The following RAB3IP variants were observed in gnomAD, a reference collection of about 807,000 sequenced individuals.
RAB3IP encodes the protein rab-3A-interacting protein.
RAB3IP carries 36 observed loss-of-function variants against 59.1 expected under a neutral mutation model. The ratio of observed to expected loss-of-function variants is 0.61; its 90% CI spans 0.47 to 0.80. RAB3IP has a LOEUF of 0.80. Among genes scored for constraint, RAB3IP ranks in the 30% least tolerant of loss-of-function variants. RAB3IP has a pLI of 0.00. For missense variants in RAB3IP, 511 were observed against 536.0 expected, an observed-to-expected ratio of 0.95 and a Z score of 0.46; for synonymous variants, 207 against 191.2, an observed-to-expected ratio of 1.08 and a Z score of -0.68.
intron 3 of RAB3IP, among the ~76,000 whole-genome samples, chr12:69,773,399 C>CTT (rs71437123): frequency 0.15 from 7,358 of 47,714 alleles, 880 homozygotes; most frequent in Non-Finnish European, 0.19. Flanking sequence ...ATTTGTCTTT[C>CTT]TTTTTTTTTT....
intron 4 of RAB3IP, among the ~76,000 whole-genome samples, chr12:69,788,690 G>C (rs1400371238): frequency 6.6e-6 from 1 of 152,016 alleles, no homozygotes; most frequent in Non-Finnish European, 1.5e-5. Flanking sequence ...ACTGCATAAC[G>C]CTATAGACCA....
intron 4 of RAB3IP, among the ~76,000 whole-genome samples, chr12:69,787,411 T>A (rs895748818): frequency 6.6e-6 from 1 of 152,156 alleles, no homozygotes; most frequent in African/African-American, 2.4e-5. Flanking sequence ...GTTTATGATA[T>A]GTCTAGTTTT....
At chr12:69,803,871 G>C (rs554167351) in intron 8 of RAB3IP, among the ~76,000 whole-genome samples, 1 of 152,236 alleles carries the variant, frequency 6.6e-6, no homozygotes, top group Admixed American at 6.5e-5. Context: ...GTGTATATGT[G>C]CCACATTTTC....
chr12:69,789,420 T>A (rs1876251575), intron 4 of RAB3IP, among the ~76,000 whole-genome samples: 2 of 152,114 alleles, frequency 1.3e-5, no homozygotes, highest in South Asian at 4.2e-4. Context: ...ACTGACTCAG[T>A]TTTCTGGAAT....
In RAB3IP at chr12:69,756,394, C is replaced by T. The variant is rs769493907; in HGVS notation, c.252-11C>T. ...CTGATATTTTCTGAAAAATGTCTCT[C>T]TCCTTTACAGCTTTCATGTTACAGA... On this transcript the variant is annotated splice_polypyrimidine_tract_variant and intron_variant, in intron 2 of 10. Coordinates refer to ENST00000247833, the MANE Select transcript of RAB3IP (RefSeq NM_022456.5). 6.8e-6 allele frequency: 11 copies of T among 1,611,554 alleles called. No individual in the cohort carries two copies. The highest frequency in any genetic ancestry group is 8.5e-6 in the Non-Finnish European group (10 of 1,179,154).
chr12:69,809,508 T>A (rs1880048516), intron 8 of RAB3IP, among the ~76,000 whole-genome samples: 2 of 152,230 alleles, frequency 1.3e-5, no homozygotes, highest in South Asian at 4.1e-4. Flanking sequence ...CCAACTTGGT[T>A]CCATTCTCCC....
At chr12:69,800,169 G>A (rs368531118) in intron 6 of RAB3IP, 40 bp from the exon 7 acceptor site, 197 of 1,449,812 alleles carry the variant, frequency 1.4e-4, no homozygotes, top group African/African-American at 2.8e-4. Context: ...ATGTTTATAC[G>A]TTTTAAAACA....
chr12:69,795,247 A>T lies in RAB3IP; in HGVS notation c.791A>T (p.Lys264Ile), dbSNP rs758669530. ...TTGCCAGGTGGAAAGACACCTTTTA[A>T]AAAGGGGCATACAAGAAATAAAAGC... Reference protein sequence around the residue: ...EPLPGGKTPFKKGHTRNKSTS... With the variant: ...EPLPGGKTPFIKGHTRNKSTS... The change falls in exon 6 of 11, where the codon AAA (lysine) becomes ATA (isoleucine). Residue 264 changes from lysine to isoleucine, a missense_variant. Physicochemically the swap from Lys to Ile is moderately radical, Grantham distance 102. Transcript: ENST00000247833. 53 of 1,614,072 alleles carry T rather than the reference A, an allele frequency of 3.3e-5. No individual in the cohort carries two copies. In the East Asian group the frequency reaches 7.1e-4, roughly 22 times the overall value.
At chr12:69,739,233 CGGGCCCTTG>C (rs1887005982) in intron 1 of RAB3IP, 1 of 152,106 alleles carries the variant, frequency 6.6e-6, no homozygotes, top group Non-Finnish European at 1.5e-5. Context: ...ACTTGGGCTC[CGGGCCCTTG>C]GGGGCGGCGT....
At chr12:69,769,202 T>C (rs1872716774) in intron 3 of RAB3IP, among the ~76,000 whole-genome samples, 1 of 152,206 alleles carries the variant, frequency 6.6e-6, no homozygotes, top group African/African-American at 2.4e-5. Context: ...TTGCCCAGTC[T>C]TGGGTATGTC....
chr12:69,741,220 A>C (rs1887305889), intron 1 of RAB3IP, among the ~76,000 whole-genome samples: 1 of 152,198 alleles, frequency 6.6e-6, no homozygotes, highest in South Asian at 2.1e-4. Context: ...TTGACTCCTC[A>C]GTCCTCTGGA....
At chr12:69,769,722 T>C (rs1391073742) in intron 3 of RAB3IP, among the ~76,000 whole-genome samples, 1 of 152,138 alleles carries the variant, frequency 6.6e-6, no homozygotes, top group Non-Finnish European at 1.5e-5. Flanking sequence ...GCAAAAATAA[T>C]ATAGATATGT....
chr12:69,788,319 T>C (rs1257187294), intron 4 of RAB3IP, among the ~76,000 whole-genome samples: 1 of 152,180 alleles, frequency 6.6e-6, no homozygotes, highest in Non-Finnish European at 1.5e-5. Flanking sequence ...ACCTTGGCTA[T>C]ATGATATTGC....
At chr12:69,762,671 G>C (rs1871496981) in intron 3 of RAB3IP, among the ~76,000 whole-genome samples, 1 of 149,226 alleles carries the variant, frequency 6.7e-6, no homozygotes. Flanking sequence ...GCAGGAGACT[G>C]GCGTGAACCC....
At chr12:69,792,121 C>T (rs904404605) in intron 4 of RAB3IP, among the ~76,000 whole-genome samples, 6 of 152,110 alleles carry the variant, frequency 3.9e-5, no homozygotes, top group Non-Finnish European at 5.9e-5. Context: ...CTCATAGAAG[C>T]ACAGAGTAGA....
At chr12:69,794,373 G>T in intron 4 of RAB3IP, 64 bp from the exon 5 acceptor site, 3 of 1,343,956 alleles carry the variant, frequency 2.2e-6, no homozygotes, top group Non-Finnish European at 3.2e-6. Flanking sequence ...GTAAACATTT[G>T]GCAAGAACTT....
chr12:69,755,379 C>T lies in RAB3IP; in HGVS notation c.-25-5C>T, dbSNP rs1349905660. On this transcript the variant is annotated splice_region_variant and splice_polypyrimidine_tract_variant and intron_variant, in intron 1 of 10. Coordinates refer to ENST00000247833, the MANE Select transcript of RAB3IP (RefSeq NM_022456.5). ...AATAAGTATCTGCTTTTTGTTTTAA[C>T]ATAGGTTATCTTATGATGAGGCTTT... 1.9e-6 allele frequency: 3 copies of T among 1,605,738 alleles called. No individual in the cohort carries two copies. In the African/African-American group the frequency reaches 4.0e-5, roughly 22 times the overall value.
intron 3 of RAB3IP, among the ~76,000 whole-genome samples, chr12:69,761,786 C>T (rs1871347694): frequency 6.6e-6 from 1 of 152,170 alleles, no homozygotes; most frequent in African/African-American, 2.4e-5. Flanking sequence ...AAGTAACCCC[C>T]AAATTTTCGT....
chr12:69,796,601 A>C (rs1220504394), intron 6 of RAB3IP: 3 of 616,338 alleles, frequency 4.9e-6, no homozygotes, highest in Admixed American at 5.2e-5. Flanking sequence ...AACCTGTTTT[A>C]ATTGAATTGC....
Sources: gnomAD v4.1 joint callset for allele counts (sites outside exome capture counted in the v4.1 genomes callset) on GRCh38, gnomAD v4.1.1 for gene constraint, MANE v1.5 for transcripts, NCBI Gene and HGNC (gene_info 2026-07-23, HGNC 2026-07-21) for gene names.